The following FRMD4B variants were observed in gnomAD, a reference collection of about 807,000 sequenced individuals.
FRMD4B encodes FERM domain containing 4B, also known as FERM domain-containing protein 4B.
In FRMD4B, 74 loss-of-function variants were observed where a neutral mutation model predicts 141.5. The ratio of observed to expected loss-of-function variants is 0.52; its 90% confidence interval spans 0.43 to 0.63. FRMD4B has a LOEUF of 0.63. FRMD4B is among the 30% of genes least tolerant of loss of function. FRMD4B has a pLI of 0.00. For synonymous variants in FRMD4B, 506 were observed against 467.9 expected, an observed-to-expected ratio of 1.08 and a Z score of -1.05; for missense variants, 1,366 against 1,253.4, an observed-to-expected ratio of 1.09 and a Z score of -1.36.
chr3:69,369,642 A>T (rs1703769663), intron 1 of FRMD4B, among the ~76,000 whole-genome samples: 1 of 152,214 alleles, frequency 6.6e-6, no homozygotes, highest in Admixed American at 6.5e-5. Flanking sequence ...AGAATTTGAG[A>T]GCAAAATCTT....
intron 7 of FRMD4B, among the ~76,000 whole-genome samples, chr3:69,237,924 G>T (rs981423787): frequency 6.6e-6 from 1 of 152,136 alleles, no homozygotes; most frequent in Non-Finnish European, 1.5e-5. Flanking sequence ...TAGAGACAGG[G>T]TTTCACCATG....
chr3:69,388,803 T>C (rs1231527422), upstream of FRMD4B, among the ~76,000 whole-genome samples: 1 of 152,148 alleles, frequency 6.6e-6, no homozygotes, highest in Admixed American at 6.5e-5. Context: ...ATTGCTTCAG[T>C]TTTTTGTAGT....
At chr3:69,202,358 T>A (rs554695852) in intron 11 of FRMD4B, among the ~76,000 whole-genome samples, 10 of 152,008 alleles carry the variant, frequency 6.6e-5, no homozygotes, top group Non-Finnish European at 1.0e-4. Flanking sequence ...GACTATGACA[T>A]ATATGTGTGT....
At chr3:69,300,165 C>G (rs541560922) in intron 4 of FRMD4B, among the ~76,000 whole-genome samples, 7 of 152,196 alleles carry the variant, frequency 4.6e-5, no homozygotes, top group Non-Finnish European at 7.3e-5. Context: ...ATAGAACCAG[C>G]TACATTCCAC....
At position 69,408,556 on chromosome 3, in the gene FRMD4B, G is replaced by A. The variant is rs1057151817; in HGVS notation, c.-1+24078C>T. 3.9e-5 allele frequency among the ~76,000 whole-genome samples: 6 copies of A among 152,340 alleles called. No individual in the cohort carries two copies. In the South Asian group the frequency reaches 8.3e-4, roughly 21 times the overall value. On this transcript the variant is annotated intron_variant, in intron 2 of 5. Coordinates refer to the FRMD4B transcript ENST00000459638. ...GAGCAGGACTGTGATGGAGCAGAACGTGGGACCTGTAAGTTTTGAGTGGAA... is the reference window on the plus strand; with the variant it reads ...GAGCAGGACTGTGATGGAGCAGAACATGGGACCTGTAAGTTTTGAGTGGAA...
chr3:69,383,549 G>A (rs866011852), intron 1 of FRMD4B, among the ~76,000 whole-genome samples: 1 of 152,134 alleles, frequency 6.6e-6, no homozygotes, highest in Non-Finnish European at 1.5e-5. Context: ...GATAGCCAAT[G>A]CTTTAAATAT....
intron 1 of FRMD4B, among the ~76,000 whole-genome samples, chr3:69,504,101 G>A (rs1040397891): frequency 2.6e-5 from 4 of 151,976 alleles, no homozygotes; most frequent in Non-Finnish European, 5.9e-5. Context: ...ATGTTTTTTT[G>A]AGACCTTCTT....
intron 11 of FRMD4B, among the ~76,000 whole-genome samples, chr3:69,215,951 T>G (rs1452205369): frequency 6.6e-6 from 1 of 152,106 alleles, no homozygotes; most frequent in Non-Finnish European, 1.5e-5. Context: ...GTCAGAAGTT[T>G]GAGACCAGCC....
intron 1 of FRMD4B, among the ~76,000 whole-genome samples, chr3:69,465,285 G>A (rs576327821): frequency 2.7e-5 from 4 of 148,472 alleles, no homozygotes; most frequent in East Asian, 2.0e-4. Flanking sequence ...GCACCACTGC[G>A]CTCCAGCCTG....
At chr3:69,422,413 G>A (rs950065794) in intron 2 of FRMD4B, among the ~76,000 whole-genome samples, 4 of 151,510 alleles carry the variant, frequency 2.6e-5, no homozygotes, top group Non-Finnish European at 5.9e-5. Context: ...GAAAAGGAGA[G>A]GGGGCAGGGA....
At chr3:69,445,678 A>T (rs1338134582) in intron 1 of FRMD4B, among the ~76,000 whole-genome samples, 1 of 152,136 alleles carries the variant, frequency 6.6e-6, no homozygotes, top group Non-Finnish European at 1.5e-5. Flanking sequence ...TTCTCACTGC[A>T]GGGACTTGGC....
intron 1 of FRMD4B, among the ~76,000 whole-genome samples, chr3:69,370,837 G>A (rs1388713927): frequency 6.6e-6 from 1 of 152,192 alleles, no homozygotes; most frequent in Non-Finnish European, 1.5e-5. Context: ...TGCCTTTTAA[G>A]TCATTCTCCC....
rs113029184 is a variant in FRMD4B at position 69,401,586 on chromosome 3, G to A, written c.-1+31048C>T. Among the ~76,000 whole-genome samples, 102 of 152,214 alleles carry A rather than the reference G, an allele frequency of 6.7e-4. 1 individual carries two copies. Among genetic ancestry groups the A allele is most frequent in the African/African-American group, 2.4e-3 (98 of 41,522 alleles). ...CTTTTCTGAGTCAGGGTCTCACTCT[G>A]CCACCCGGGCTGAAGTGCAGTGGTG... On this transcript the variant is annotated intron_variant, in intron 2 of 5. Coordinates refer to the FRMD4B transcript ENST00000459638.
chr3:69,374,110 A>G (rs1291191717), intron 1 of FRMD4B, among the ~76,000 whole-genome samples: 1 of 152,208 alleles, frequency 6.6e-6, no homozygotes, highest in African/African-American at 2.4e-5. Flanking sequence ...CTCTAGCATG[A>G]TAACTTTTGG....
chr3:69,483,977 C>T (rs575648539), intron 1 of FRMD4B, among the ~76,000 whole-genome samples: 43 of 152,284 alleles, frequency 2.8e-4, no homozygotes, highest in East Asian at 1.2e-3. Context: ...TCTTAGCTTG[C>T]TTTCCCCTTT....
At chr3:69,536,555 G>A in intron 1 of FRMD4B, 2 of 707,394 alleles carry the variant, frequency 2.8e-6, no homozygotes, top group Middle Eastern at 2.8e-4. Context: ...AGGGGGGATG[G>A]TGAGAGGGCA....
At chr3:69,480,622 G>A (rs1432980541) in intron 1 of FRMD4B, among the ~76,000 whole-genome samples, 1 of 151,878 alleles carries the variant, frequency 6.6e-6, no homozygotes, top group East Asian at 1.9e-4. Context: ...CCCCTACTGG[G>A]AGGCGCCTCC....
chr3:69,506,152 C>G (rs974038200), intron 1 of FRMD4B, among the ~76,000 whole-genome samples: 2 of 152,104 alleles, frequency 1.3e-5, no homozygotes, highest in African/African-American at 2.4e-5. Context: ...GTACAAAGAC[C>G]ATCCACTGCA....
At chr3:69,215,043 C>A (rs574100413) in intron 11 of FRMD4B, among the ~76,000 whole-genome samples, 24 of 151,650 alleles carry the variant, frequency 1.6e-4, no homozygotes, top group Admixed American at 5.9e-4. Flanking sequence ...CTATGCCCAG[C>A]TCATTTTTTG....
Sources: allele counts gnomAD v4.1 joint callset (sites outside exome capture counted in the v4.1 genomes callset), GRCh38; gene constraint gnomAD v4.1.1; transcripts MANE v1.5; gene names NCBI Gene and HGNC (gene_info 2026-07-23, HGNC 2026-07-21).